MYH14: variants seen among roughly 807,000 people sequenced by gnomAD.
MYH14 encodes the protein myosin-14.
A neutral mutation model predicts 255.5 loss-of-function variants in MYH14; 123 were observed. The observed-to-expected ratio is 0.48, with a 90% CI of 0.42 to 0.56. The LOEUF (loss-of-function observed/expected upper bound fraction) is 0.56, where lower values mean the gene tolerates loss of function less well. Among genes scored for constraint, MYH14 ranks in the 20% least tolerant of loss-of-function variants. The probability of loss-of-function intolerance (pLI) is 0.00; values close to 1 mark genes in which losing one functional copy is unlikely to be tolerated. For missense variants in MYH14, 2,423 were observed against 2,802.3 expected, an observed-to-expected ratio of 0.86 and a Z score of 3.06; for synonymous variants, 1,095 against 1,161.2, an observed-to-expected ratio of 0.94 and a Z score of 1.16.
At chr19:50,278,803 T>A (rs1462481988) in intron 30 of MYH14, among the ~76,000 whole-genome samples, 1 of 116,640 alleles carries the variant, frequency 8.6e-6, no homozygotes, top group Non-Finnish European at 1.7e-5. Flanking sequence ...GGAGAAACCC[T>A]GTCTCTACTA....
chr19:50,263,290 C>T (rs1568514411), intron 21 of MYH14, 22 bp from the exon 22 acceptor site: 2 of 1,501,874 alleles, frequency 1.3e-6, no homozygotes, highest in Non-Finnish European at 9.0e-7. Flanking sequence ...CCACTCTGCC[C>T]CTCACCCATT....
At chr19:50,299,808 G>A (rs979270820) in intron 39 of MYH14, among the ~76,000 whole-genome samples, 4 of 151,870 alleles carry the variant, frequency 2.6e-5, no homozygotes, top group African/African-American at 9.7e-5. Flanking sequence ...AGCCAGGTGT[G>A]GTGGTGCGTG....
chr19:50,226,968 T>A lies in MYH14; in HGVS notation c.874+2T>A. ...TCGTGGGCGCCAACATTGAGACCTG[T>A]ATCCTCTCACAGCCCATGGGGGTGG... On this transcript the variant is annotated splice_donor_variant, in intron 8 of 42. Transcript: ENST00000642316. LOFTEE classifies it high-confidence loss of function. 6.2e-7 allele frequency: 1 copy of A among 1,613,608 alleles called. No individual in the cohort carries two copies. Among genetic ancestry groups the A allele is most frequent in the Non-Finnish European group, 8.5e-7 (1 of 1,179,722 alleles).
intron 29 of MYH14, 44 bp from the exon 30 acceptor site, chr19:50,278,039 A>G (rs79043031): frequency 0.027 from 39,258 of 1,456,166 alleles, 607 homozygotes; most frequent in Non-Finnish European, 0.032. Flanking sequence ...GGCCTGGTCC[A>G]GGAAAGGCCT....
At position 50,230,683 on chromosome 19, in the gene MYH14, G is replaced by A. The variant is rs1406081413; in HGVS notation, c.973+60G>A. On this transcript the variant is annotated intron_variant, in intron 9 of 42. Transcript: ENST00000642316. This position sits in a 1 kb window ranked among gnomAD's most constrained non-coding sequence, Gnocchi z 4.7. ...GAGAGGGTGGGCACCATGTCTCTCGGGGGCCCCTTCTGGGGAGGAAGCAAG... is the reference window on the plus strand; with the variant it reads ...GAGAGGGTGGGCACCATGTCTCTCGAGGGCCCCTTCTGGGGAGGAAGCAAG... The A allele has an allele frequency of 1.4e-6, 2 of 1,476,332 alleles. No individual in the cohort carries two copies. The highest frequency in any genetic ancestry group is 1.8e-6 in the Non-Finnish European group (2 of 1,084,962). 91.5% of individuals were successfully genotyped at this position (1,476,332 alleles called of 1,614,324 possible).
chr19:50,271,481 G>A lies in MYH14; in HGVS notation c.3106G>A (p.Ala1036Thr). 6.2e-7 allele frequency: 1 copy of A among 1,608,098 alleles called. No homozygotes were observed. The highest frequency in any genetic ancestry group is 2.2e-5 in the East Asian group (1 of 44,714). Residue 1036 changes from alanine to threonine, a missense_variant, in exon 25 of 43, where the codon GCA becomes ACA. Physicochemically the swap from Ala to Thr is moderately conservative, Grantham distance 58 (BLOSUM62 0). Transcript: ENST00000642316. ...GCAGCTGGAGAAGGTGACGACAGAGGCAAAAATGAAGAAATTTGAAGAGGA... is the reference window on the plus strand; with the variant it reads ...GCAGCTGGAGAAGGTGACGACAGAGACAAAAATGAAGAAATTTGAAGAGGA... ...KLQLEKVTTE[A>T]KMKKFEEDLL... is the part of the protein sequence containing the mutation.
chr19:50,294,693 C>T (rs997624140), intron 39 of MYH14, among the ~76,000 whole-genome samples: 5 of 150,634 alleles, frequency 3.3e-5, no homozygotes, highest in Non-Finnish European at 5.9e-5. Flanking sequence ...TGTGTCACTG[C>T]ACTCCAGCCT....
intron 39 of MYH14, among the ~76,000 whole-genome samples, chr19:50,299,814 G>A (rs1171583836): frequency 1.3e-5 from 2 of 151,656 alleles, no homozygotes; most frequent in Admixed American, 6.6e-5. Context: ...GTGTGGTGGT[G>A]CGTGCCTGTA....
intron 11 of MYH14, among the ~76,000 whole-genome samples, chr19:50,245,823 C>A (rs932228941): frequency 3.3e-5 from 5 of 152,214 alleles, no homozygotes; most frequent in African/African-American, 1.2e-4. Context: ...ATTTGTTTTA[C>A]AAAACTGGAG....
chr19:50,233,712 G>A (rs548566086), intron 10 of MYH14, among the ~76,000 whole-genome samples: 52 of 152,104 alleles, frequency 3.4e-4, no homozygotes, highest in South Asian at 2.9e-3. Flanking sequence ...AATCTTCGGC[G>A]TTCCCTGGCT....
rs867816279 is a variant in MYH14 at position 50,244,203 on chromosome 19, G to T, written c.1115-39G>T. 3 of 1,586,028 alleles carry T rather than the reference G, an allele frequency of 1.9e-6. No individual in the cohort carries two copies. In the Middle Eastern group the frequency reaches 5.0e-4, roughly 264 times the overall value. On this transcript the variant is annotated intron_variant, in intron 10 of 42. Coordinates refer to ENST00000642316, the MANE Select transcript of MYH14 (RefSeq NM_001145809.2). ...GGGCCAGTTAAGACCACACATCGGG[G>T]TCCAGAGCCACACGTGACCTCTGTC...
intron 17 of MYH14, among the ~76,000 whole-genome samples, chr19:50,256,301 C>T (rs1259954149): frequency 3.9e-5 from 6 of 151,994 alleles, no homozygotes; most frequent in Non-Finnish European, 8.8e-5. Context: ...CAACAGAATT[C>T]GAGACAGTGC....
At position 50,230,468 on chromosome 19, in the gene MYH14, G is replaced by T. The variant is rs2033317251; in HGVS notation, c.875-57G>T. 6.8e-7 allele frequency: 1 copy of T among 1,472,608 alleles called. No homozygotes were observed. The highest frequency in any genetic ancestry group is 9.3e-7 in the Non-Finnish European group (1 of 1,076,866). 91.2% of individuals were successfully genotyped at this position (1,472,608 alleles called of 1,614,324 possible). ...GTGGGCAGGGCAGGCTCCTGTAGTG[G>T]CCTGGCAGCGTCGGGGCCGTCCCTT... On this transcript the variant is annotated intron_variant, in intron 8 of 42. Coordinates refer to ENST00000642316, the MANE Select transcript of MYH14 (RefSeq NM_001145809.2). This position sits in a 1 kb window ranked among gnomAD's most constrained non-coding sequence, Gnocchi z 4.7.
At chr19:50,249,961 G>T (rs1426847754) in intron 14 of MYH14, 138 bp downstream of exon 14, 1 of 1,066,450 alleles carries the variant, frequency 9.4e-7, no homozygotes, top group African/African-American at 1.6e-5. Context: ...GACAGCACCT[G>T]CTTCCTCGAT....
Position 50,244,425 on chromosome 19 carries a change from C to CAT in MYH14, c.1210+89_1210+90dup. Reference sequence around the variant, plus strand: ...CTGCACCCCTGTCCCACGTAGAGAGCATCCCCCTTCCAGCCACACCTGTCT... The same window carrying CAT: ...CTGCACCCCTGTCCCACGTAGAGAGCATATCCCCCTTCCAGCCACACCTGTCT... On this transcript the variant is annotated intron_variant, in intron 11 of 42. Coordinates refer to ENST00000642316, the MANE Select transcript of MYH14 (RefSeq NM_001145809.2). The CAT allele has an allele frequency of 4.2e-6, 4 of 955,712 alleles. No homozygotes were observed. The South Asian group carries it at 5.2e-5, about 12-fold the overall frequency. 59.2% of individuals were successfully genotyped at this position (955,712 alleles called of 1,614,324 possible).
intron 39 of MYH14, among the ~76,000 whole-genome samples, chr19:50,298,480 A>T (rs901579662): frequency 1.6e-4 from 24 of 152,088 alleles, no homozygotes; most frequent in Non-Finnish European, 3.2e-4. Context: ...AAATTCACAA[A>T]TAAGGCCAAG....
intron 1 of MYH14, among the ~76,000 whole-genome samples, chr19:50,206,408 T>A (rs2031753315): frequency 3.3e-4 from 1 of 2,998 alleles, no homozygotes; most frequent in Non-Finnish European, 5.5e-4. Context: ...AGGAAGTGGA[T>A]GGGGTGGGGT....
intron 27 of MYH14, among the ~76,000 whole-genome samples, chr19:50,273,344 G>A (rs1214998332): frequency 1.3e-5 from 2 of 149,940 alleles, no homozygotes. Context: ...TCCCTGCTTG[G>A]CCTCCCCACA....
chr19:50,249,000 T>C lies in MYH14; in HGVS notation c.1343T>C (p.Leu448Pro). 1 of 1,613,636 alleles carries C rather than the reference T, an allele frequency of 6.2e-7. No individual in the cohort carries two copies. Among genetic ancestry groups the C allele is most frequent in the Non-Finnish European group, 8.5e-7 (1 of 1,179,812 alleles). ...CCTGTCCCACAGGCTGACTTCGCGC[T>C]GGAGGCCCTGGCCAAGGCCACCTAC... is the stretch of plus-strand genomic sequence containing the variant. The part of the protein sequence containing the change: ...AQTKEQADFA[L>P]EALAKATYER... The change falls in exon 13 of 43, where the codon CTG becomes CCG. Residue 448 changes from leucine to proline, a missense_variant. Leu to Pro is a moderately conservative substitution (Grantham distance 98, BLOSUM62 -3). Coordinates refer to ENST00000642316, the MANE Select transcript of MYH14 (RefSeq NM_001145809.2).
Sources: gnomAD v4.1 joint callset for allele counts (sites outside exome capture counted in the v4.1 genomes callset) on GRCh38, gnomAD v4.1.1 for gene constraint, Gnocchi (gnomAD v3.1) non-coding constraint, MANE v1.5 for transcripts, NCBI Gene and HGNC (gene_info 2026-07-23, HGNC 2026-07-21) for gene names.